Variants in CIB1 observed in about 807,000 individuals in gnomAD.
CIB1 encodes the protein calcium and integrin binding 1, also known as calcium and integrin-binding protein 1.
CIB1 carries 19 observed loss-of-function variants against 25.0 expected under a neutral mutation model. The ratio of observed to expected loss-of-function variants is 0.76; its 90% confidence interval spans 0.53 to 1.12. CIB1 has a LOEUF of 1.12. CIB1 is among the 50% of genes most tolerant of loss of function. CIB1 has a pLI of 0.00. For synonymous variants in CIB1, 104 were observed against 98.5 expected (o/e 1.06, Z -0.33); for missense variants, 236 against 242.6 (o/e 0.97, Z 0.18).
At chr15:90,237,212 G>GC (rs939703251), upstream of CIB1, among the ~76,000 whole-genome samples, 5 of 151,260 alleles carry the variant, frequency 3.3e-5, no homozygotes, top group African/African-American at 1.2e-4. Flanking sequence ...ACCCACCTTG[G>GC]CCCCCCAGAG....
chr15:90,232,196 T>C, intron 3 of CIB1, 23 bp downstream of exon 3: 1 of 1,584,912 alleles, frequency 6.3e-7, no homozygotes, highest in African/African-American at 1.3e-5. Context: ...GGGAGAGGTG[T>C]CAAAGGAGGG....
At chr15:90,245,654 T>C in the CIB1 span, 1 of 152,096 alleles carries the variant, frequency 6.6e-6, no homozygotes, top group Admixed American at 6.6e-5. Flanking sequence ...GGATGACCAT[T>C]ACAGCAAAGT....
chr15:90,253,401 C>A, the CIB1 span: 1 of 1,533,892 alleles, frequency 6.5e-7, no homozygotes, highest in Non-Finnish European at 9.0e-7. Context: ...CCGACAGGGG[C>A]TAGGGCCCCA....
chr15:90,232,120 C>A, intron 3 of CIB1, 99 bp downstream of exon 3: 1 of 913,608 alleles, frequency 1.1e-6, no homozygotes, highest in South Asian at 1.7e-5. Context: ...GAGTGGGGAC[C>A]AGTGACCCCA....
At chr15:90,264,568 A>G in the CIB1 span, among the ~76,000 whole-genome samples, 1 of 152,182 alleles carries the variant, frequency 6.6e-6, no homozygotes, top group African/African-American at 2.4e-5. Flanking sequence ...AAAAAGACAT[A>G]CCATACCAAT....
At chr15:90,251,984 C>T in the CIB1 span, among the ~76,000 whole-genome samples, 1 of 151,752 alleles carries the variant, frequency 6.6e-6, no homozygotes, top group Non-Finnish European at 1.5e-5. Context: ...AAGCCGTCTT[C>T]CTATCTGAGC....
Position 90,230,478 on chromosome 15 carries a change from C to T in CIB1, c.*6G>A. On this transcript the variant is annotated 3_prime_UTR_variant, in exon 7 of 7. Coordinates refer to ENST00000328649, the MANE Select transcript of CIB1 (RefSeq NM_006384.4). Reference sequence around the variant, plus strand: ...CAGGGTGCCAGGACACACGCTGGGGCTGCTGTCACAGGACAATCTTAAAGG... The same window carrying T: ...CAGGGTGCCAGGACACACGCTGGGGTTGCTGTCACAGGACAATCTTAAAGG... 1 of 1,551,666 alleles carries T rather than the reference C, an allele frequency of 6.4e-7. No homozygotes were observed. The highest frequency in any genetic ancestry group is 8.7e-7 in the Non-Finnish European group (1 of 1,146,984).
At chr15:90,235,181 T>A (rs576714568), upstream of CIB1, among the ~76,000 whole-genome samples, 1,467 of 152,296 alleles carry the variant, frequency 9.6e-3, 28 homozygotes, top group African/African-American at 0.034. Context: ...TGCCTAGGAA[T>A]CTACTTTACA....
chr15:90,230,588 A>G (rs906342688), intron 6 of CIB1, 83 bp from the exon 7 acceptor site: 1 of 1,428,666 alleles, frequency 7.0e-7, no homozygotes, highest in Non-Finnish European at 9.7e-7. Flanking sequence ...CTCCCTTTAG[A>G]CCCTTCTTTG....
chr15:90,237,466 A>G (rs1353853523), upstream of CIB1, among the ~76,000 whole-genome samples: 2 of 151,528 alleles, frequency 1.3e-5, no homozygotes, highest in Non-Finnish European at 2.9e-5. Context: ...TTGTATTTTT[A>G]GTAGACACAG....
chr15:90,251,200 G>A, the CIB1 span, among the ~76,000 whole-genome samples: 1 of 144,186 alleles, frequency 6.9e-6, no homozygotes, highest in Non-Finnish European at 1.5e-5. Context: ...GGCAAGCTCC[G>A]CCTCCCGGGT....
At chr15:90,253,961 A>T in the CIB1 span, among the ~76,000 whole-genome samples, 1 of 152,344 alleles carries the variant, frequency 6.6e-6, no homozygotes, top group Admixed American at 6.5e-5. Flanking sequence ...CTGTCCCACA[A>T]CTAGTCTTGG....
At chr15:90,242,866 G>C in the CIB1 span, 2 of 152,384 alleles carry the variant, frequency 1.3e-5, no homozygotes, top group African/African-American at 4.8e-5. Flanking sequence ...GAAGGATGAA[G>C]AAAGCTGATA....
At chr15:90,241,434 C>T in the CIB1 span, 1 of 1,613,408 alleles carries the variant, frequency 6.2e-7, no homozygotes, top group Non-Finnish European at 8.5e-7. Flanking sequence ...GCCTGCCCGC[C>T]AGCTCCCCCA....
rs749128854 is a variant in CIB1 at position 90,232,330 on chromosome 15, G to A, written c.87-3C>T. The A allele has an allele frequency of 6.9e-6, 11 of 1,599,910 alleles. No homozygotes were observed. In the East Asian group the frequency reaches 2.3e-4, roughly 33 times the overall value. On this transcript the variant is annotated splice_polypyrimidine_tract_variant and splice_region_variant and intron_variant, in intron 2 of 6. Transcript: ENST00000328649. ...GCTCACAAAACCGCCTGTGGGCTCTGGTAGAGAGAGGGGAACTGTCGGTGT... is the reference window on the plus strand; with the variant it reads ...GCTCACAAAACCGCCTGTGGGCTCTAGTAGAGAGAGGGGAACTGTCGGTGT...
the CIB1 span, chr15:90,263,655 G>A: frequency 1.7e-6 from 1 of 605,452 alleles, no homozygotes; most frequent in Non-Finnish European, 2.9e-6. Flanking sequence ...CGGCCTAGAA[G>A]AGATTTTTTT....
At chr15:90,255,791 C>T in the CIB1 span, 62 of 1,614,142 alleles carry the variant, frequency 3.8e-5, 1 homozygote, top group South Asian at 2.6e-4. Context: ...AGAAATCTGC[C>T]GCAAAGATCT....
chr15:90,256,304 G>A, the CIB1 span: 1 of 1,614,098 alleles, frequency 6.2e-7, no homozygotes, highest in Non-Finnish European at 8.5e-7. Flanking sequence ...CAAGGTGAAG[G>A]ATGCCTCAGG....
chr15:90,240,934 A>G, the CIB1 span: 1 of 1,613,952 alleles, frequency 6.2e-7, no homozygotes, highest in Non-Finnish European at 8.5e-7. Flanking sequence ...GATTCAAACG[A>G]AACTTCCTAT....
Sources: allele counts gnomAD v4.1 joint callset (sites outside exome capture counted in the v4.1 genomes callset), GRCh38; gene constraint gnomAD v4.1.1; transcripts MANE v1.5; gene names NCBI Gene and HGNC (gene_info 2026-07-23, HGNC 2026-07-21).